CNRIP1: variants seen among roughly 807,000 people sequenced by gnomAD.
CNRIP1 encodes the protein CB1 cannabinoid receptor-interacting protein 1.
In CNRIP1, 10 loss-of-function variants were observed where a neutral mutation model predicts 15.2. The observed-to-expected ratio is 0.66, with a 90% CI of 0.41 to 1.12. The LOEUF is 1.12. CNRIP1 is among the 50% of genes most tolerant of loss of function. The pLI is 0.00. For synonymous variants in CNRIP1, 91 were observed against 83.2 expected (o/e 1.09, Z -0.51); for missense variants, 211 against 214.7 (o/e 0.98, Z 0.11).
chr2:68,288,001 CAGG>C lies in CNRIP1; in HGVS notation c.331-3520_331-3518del, dbSNP rs376713962. On this transcript the variant is annotated intron_variant, in intron 2 of 2. Transcript: ENST00000409559. ...TTCTTTTAGTCTCCTTTAAAGGGAG[CAGG>C]AGAACTAACCCCGTAAAGGCTAACA... Among the ~76,000 whole-genome samples, 37 of 152,232 alleles carry C rather than the reference CAGG, an allele frequency of 2.4e-4. 1 individual carries two copies. The East Asian group carries it at 7.2e-3, about 29-fold the overall frequency.
chr2:68,316,795 C>T, intron 2 of CNRIP1: 1 of 484,452 alleles, frequency 2.1e-6, no homozygotes, highest in Non-Finnish European at 3.7e-6. Context: ...TTCAAATCAG[C>T]TTTCTCTTAA....
At chr2:68,300,636 A>G (rs144696864) in intron 2 of CNRIP1, among the ~76,000 whole-genome samples, 1 of 152,252 alleles carries the variant, frequency 6.6e-6, no homozygotes, top group Non-Finnish European at 1.5e-5. Context: ...AAAAAAGAAA[A>G]AAGAAAAAAG....
At chr2:68,291,316 A>C (rs150328843), downstream of CNRIP1, among the ~76,000 whole-genome samples, 6 of 152,100 alleles carry the variant, frequency 3.9e-5, no homozygotes, top group Admixed American at 3.9e-4. Flanking sequence ...AAGGAGTATA[A>C]AATAGAGGAA....
intron 2 of CNRIP1, among the ~76,000 whole-genome samples, chr2:68,299,229 TG>T (rs1330098470): frequency 6.6e-6 from 1 of 151,608 alleles, no homozygotes; most frequent in Non-Finnish European, 1.5e-5. Flanking sequence ...ATGGTTATAG[TG>T]GACAGTTTTT....
chr2:68,294,516 C>A (rs10176505), intron 2 of CNRIP1, among the ~76,000 whole-genome samples: 1 of 152,014 alleles, frequency 6.6e-6, no homozygotes, highest in African/African-American at 2.4e-5. Flanking sequence ...GTTCATCCCC[C>A]AAATGGTCCC....
chr2:68,293,932 A>G lies in CNRIP1; in HGVS notation c.425T>C (p.Val142Ala). Residue 142 changes from valine (V) to alanine (A), a missense_variant, in exon 3 of 3, where the codon GTC becomes GCC. Coordinates refer to ENST00000263655, the MANE Select transcript of CNRIP1 (RefSeq NM_015463.3). ...GTTGGGCTTGCATTCATACTCAATG[A>G]CAGAGAAGGGGCTTCCCCACTGGCA... is the stretch of plus-strand genomic sequence containing the variant. ...DHCQWGSPFS[V>A]IEYECKPNET... 6.2e-7 allele frequency: 1 copy of G among 1,614,122 alleles called. No homozygotes were observed. Among genetic ancestry groups the G allele is most frequent in the South Asian group, 1.1e-5 (1 of 91,068 alleles).
chr2:68,304,255 G>A (rs1179569044), intron 2 of CNRIP1, among the ~76,000 whole-genome samples: 1 of 150,640 alleles, frequency 6.6e-6, no homozygotes, highest in Non-Finnish European at 1.5e-5. Context: ...ACAAAAATTA[G>A]ATGGGTGTGT....
intron 2 of CNRIP1, among the ~76,000 whole-genome samples, chr2:68,306,389 C>G (rs1671847468): frequency 6.6e-6 from 1 of 151,760 alleles, no homozygotes; most frequent in Admixed American, 6.6e-5. Context: ...CTGTGTGATC[C>G]TAGACATATC....
At chr2:68,287,636 G>A (rs1671062589) in intron 2 of CNRIP1, among the ~76,000 whole-genome samples, 1 of 152,240 alleles carries the variant, frequency 6.6e-6, no homozygotes, top group African/African-American at 2.4e-5. Flanking sequence ...ATGGCAAAGG[G>A]AAAGAGAGTT....
intron 2 of CNRIP1, among the ~76,000 whole-genome samples, chr2:68,285,232 A>C: frequency 9.5e-6 from 1 of 105,098 alleles, no homozygotes; most frequent in African/African-American, 3.7e-5. Flanking sequence ...ACCCTCCCAA[A>C]TGCTCATTAT....
In CNRIP1 at chr2:68,293,439, T is replaced by C. The variant is rs1453445470; in HGVS notation, c.*423A>G. ...AAGTTACATGTTACCATATTACACA[T>C]GGGAGGACCCATACACATTGTTATT... is the stretch of plus-strand genomic sequence containing the variant. On this transcript the variant is annotated 3_prime_UTR_variant, in exon 3 of 3. Coordinates refer to ENST00000263655, the MANE Select transcript of CNRIP1 (RefSeq NM_015463.3). The C allele has an allele frequency of 3.0e-6, 3 of 990,198 alleles. No individual in the cohort carries two copies. The highest frequency in any genetic ancestry group is 3.6e-6 in the Non-Finnish European group (3 of 832,560). 61.3% of individuals were successfully genotyped at this position (990,198 alleles called of 1,614,324 possible). A position where few individuals can be genotyped will look rare whatever the true frequency, so the allele number is the denominator to read the frequency against.
Position 68,293,966 on chromosome 2 carries a change from G to T in CNRIP1, c.391C>A (p.Arg131=). ...WQVKFYNYHK[R]DHCQWGSPFS... is the part of the protein sequence containing the mutation. ...GGGCTTCCCCACTGGCAGTGATCCC[G>T]CTTGTGGTAATTGTAGAACTTGACT... Residue 131 remains arginine, a synonymous_variant, in exon 3 of 3, where the codon CGG becomes AGG. Coordinates refer to ENST00000263655, the MANE Select transcript of CNRIP1 (RefSeq NM_015463.3). 1 of 1,614,052 alleles carries T rather than the reference G, an allele frequency of 6.2e-7. No homozygotes were observed. The highest frequency in any genetic ancestry group is 8.5e-7 in the Non-Finnish European group (1 of 1,179,986).
chr2:68,284,554 G>A (rs529881259), intron 2 of CNRIP1: 63 of 1,014,158 alleles, frequency 6.2e-5, no homozygotes, highest in East Asian at 1.6e-4. Context: ...ACTCACGCCC[G>A]TAATCCCAGC....
chr2:68,305,595 ACCAT>A (rs905529769), intron 2 of CNRIP1, among the ~76,000 whole-genome samples: 3 of 151,416 alleles, frequency 2.0e-5, no homozygotes, highest in African/African-American at 7.3e-5. Context: ...GGAGATTGAG[ACCAT>A]CCTGGCTAAC....
downstream of CNRIP1, among the ~76,000 whole-genome samples, chr2:68,290,687 G>T (rs928979932): frequency 6.6e-5 from 10 of 152,188 alleles, no homozygotes; most frequent in South Asian, 4.1e-4. Context: ...TAAAACAGGA[G>T]TCAAGAGGCC....
chr2:68,295,014 G>A (rs1671296496), intron 2 of CNRIP1, among the ~76,000 whole-genome samples: 1 of 152,110 alleles, frequency 6.6e-6, no homozygotes, highest in Non-Finnish European at 1.5e-5. Flanking sequence ...TGGCCTGTGG[G>A]GTAGCCTGAC....
At chr2:68,318,048 C>T (rs1672341667) in intron 1 of CNRIP1, among the ~76,000 whole-genome samples, 1 of 151,142 alleles carries the variant, frequency 6.6e-6, no homozygotes, top group African/African-American at 2.4e-5. Context: ...ACAGATAACT[C>T]CGGGGATAAG....
At chr2:68,289,894 A>G (rs1482265991), downstream of CNRIP1, among the ~76,000 whole-genome samples, 4 of 152,184 alleles carry the variant, frequency 2.6e-5, no homozygotes, top group African/African-American at 9.7e-5. Context: ...TGCAAGGTAA[A>G]TACTATTATC....
At chr2:68,314,856 G>C (rs909634743) in intron 2 of CNRIP1, among the ~76,000 whole-genome samples, 2 of 151,850 alleles carry the variant, frequency 1.3e-5, no homozygotes, top group African/African-American at 4.8e-5. Flanking sequence ...CAATATAAAA[G>C]TAAGAACTGA....
Sources: allele counts gnomAD v4.1 joint callset (sites outside exome capture counted in the v4.1 genomes callset), GRCh38; gene constraint gnomAD v4.1.1; transcripts MANE v1.5; gene names NCBI Gene and HGNC (gene_info 2026-07-23, HGNC 2026-07-21).